DNAI4: variants seen among roughly 807,000 people sequenced by gnomAD.
DNAI4 encodes dynein axonemal intermediate chain 4.
Under a neutral mutation model 105.8 loss-of-function variants are expected in DNAI4, and 85 were observed. That is an observed-to-expected ratio of 0.80 (90% CI 0.67 to 0.96). The LOEUF is 0.96. DNAI4 is among the 40% of genes least tolerant of loss of function. The pLI is 0.00. For synonymous variants in DNAI4, 352 were observed against 331.5 expected, an observed-to-expected ratio of 1.06 and a Z score of -0.67; for missense variants, 1,014 against 1,005.6, an observed-to-expected ratio of 1.01 and a Z score of -0.11.
At chr1:66,835,441 T>C (rs1243048687) in intron 11 of DNAI4, among the ~76,000 whole-genome samples, 185 bp downstream of exon 11, 1 of 152,132 alleles carries the variant, frequency 6.6e-6, no homozygotes, top group Non-Finnish European at 1.5e-5. Context: ...AGAGAAGAAG[T>C]TGAAGGAGCT....
At chr1:66,902,704 T>G (rs1648923649) in intron 2 of DNAI4, among the ~76,000 whole-genome samples, 1 of 152,238 alleles carries the variant, frequency 6.6e-6, no homozygotes, top group African/African-American at 2.4e-5. Flanking sequence ...TGATCCATTC[T>G]GAATTTATTT....
At chr1:66,826,304 G>GTTTTTTTTTTTTTTTTTTTTTTTT (rs1645752317) in intron 15 of DNAI4, among the ~76,000 whole-genome samples, 1 of 150,784 alleles carries the variant, frequency 6.6e-6, no homozygotes, top group African/African-American at 2.5e-5. Flanking sequence ...ACTTTCTTTA[G>GTTTTTTTTTTTTTTTTTTTTTTTT]TCTTTTTTTT....
chr1:66,880,146 C>T (rs1647038212), intron 4 of DNAI4, among the ~76,000 whole-genome samples: 1 of 152,234 alleles, frequency 6.6e-6, no homozygotes, highest in Non-Finnish European at 1.5e-5. Context: ...GAGGCCTCCC[C>T]AGCCATGTGG....
chr1:66,862,146 C>G lies in DNAI4; in HGVS notation c.1096+1G>C. 1.3e-6 allele frequency: 2 copies of G among 1,554,670 alleles called. No homozygotes were observed. The highest frequency in any genetic ancestry group is 1.7e-6 in the Non-Finnish European group (2 of 1,158,650). ...AAAAACTAAAATAAATGAAATCTTA[C>G]TTTTTTCTGTAGTGCTCCCTGGCAA... On this transcript the variant is annotated splice_donor_variant, in intron 7 of 16. Coordinates refer to ENST00000371026, the MANE Select transcript of DNAI4 (RefSeq NM_024763.5). LOFTEE classifies it high-confidence loss of function.
At chr1:66,820,830 A>G (rs917313522) in intron 16 of DNAI4, among the ~76,000 whole-genome samples, 1 of 151,994 alleles carries the variant, frequency 6.6e-6, no homozygotes, top group African/African-American at 2.4e-5. Flanking sequence ...TACTTATTTA[A>G]CATTTGTAGT....
intron 15 of DNAI4, among the ~76,000 whole-genome samples, chr1:66,825,714 T>C (rs1051371944): frequency 6.6e-6 from 1 of 152,228 alleles, no homozygotes; most frequent in African/African-American, 2.4e-5. Context: ...AAGAAGCCAC[T>C]TTATACATTA....
At chr1:66,821,515 G>T (rs1461418980) in intron 16 of DNAI4, among the ~76,000 whole-genome samples, 1 of 152,138 alleles carries the variant, frequency 6.6e-6, no homozygotes, top group East Asian at 1.9e-4. Flanking sequence ...TGCCAGTACA[G>T]AGTAGTCTTA....
At chr1:66,895,353 C>T (rs1414761818) in intron 2 of DNAI4, among the ~76,000 whole-genome samples, 1 of 152,056 alleles carries the variant, frequency 6.6e-6, no homozygotes, top group African/African-American at 2.4e-5. Context: ...CTGTAGCCCA[C>T]GCCACATGGG....
intron 16 of DNAI4, among the ~76,000 whole-genome samples, chr1:66,819,596 T>A (rs146656821): frequency 4.6e-5 from 7 of 152,224 alleles, no homozygotes; most frequent in African/African-American, 9.6e-5. Flanking sequence ...AAGGGGCTCA[T>A]ACTAGTAAGA....
intron 8 of DNAI4, among the ~76,000 whole-genome samples, chr1:66,844,083 T>TAAAAAA (rs1557917425): frequency 4.6e-4 from 2 of 4,334 alleles, no homozygotes; most frequent in African/African-American, 7.1e-4. Context: ...AACTGGAGAT[T>TAAAAAA]CAAAAAAAAA....
Position 66,890,789 on chromosome 1 carries a change from G to T in DNAI4, c.643+365C>A. The T allele has an allele frequency of 3.4e-6, 1 of 292,218 alleles. No individual in the cohort carries two copies. The highest frequency in any genetic ancestry group is 6.5e-6 in the Non-Finnish European group (1 of 154,258). The allele number at this position is 292,218 out of a possible 1,614,324, so 18.1% of individuals were successfully genotyped here. ...AGAGGAAGAAGAGGAAGAGGAGGAA[G>T]AAGAAGTGAGGAAGAAGAGGAAAAG... On this transcript the variant is annotated intron_variant, in intron 4 of 16. Transcript: ENST00000371026. This position sits in a 1 kb window ranked among gnomAD's most constrained non-coding sequence, Gnocchi z 4.1.
chr1:66,913,212 A>T (rs1008428132), intron 1 of DNAI4, among the ~76,000 whole-genome samples: 2 of 152,130 alleles, frequency 1.3e-5, no homozygotes, highest in African/African-American at 4.8e-5. Flanking sequence ...TCAAGTTAAG[A>T]TTAACAACCA....
rs181809459 is a variant in DNAI4 at position 66,818,644 on chromosome 1, T to G, written c.2496+3717A>C. Among the ~76,000 whole-genome samples the G allele has an allele frequency of 3.3e-5, 5 of 152,190 alleles. No homozygotes were observed. The East Asian group carries it at 9.6e-4, about 29-fold the overall frequency. ...AGAAATAAGAAATAAATTGGCCAGGTGCGGTGGCTCACGCCTGTAATCCCA... is the reference window on the plus strand; with the variant it reads ...AGAAATAAGAAATAAATTGGCCAGGGGCGGTGGCTCACGCCTGTAATCCCA... On this transcript the variant is annotated intron_variant, in intron 16 of 16. Transcript: ENST00000371026.
chr1:66,908,826 A>C (rs1417275572), intron 1 of DNAI4, among the ~76,000 whole-genome samples: 2 of 152,156 alleles, frequency 1.3e-5, no homozygotes, highest in Non-Finnish European at 2.9e-5. Flanking sequence ...GCTATCTTAT[A>C]CCTTCTCTTT....
chr1:66,875,033 T>C lies in DNAI4; in HGVS notation c.644-96A>G. The C allele has an allele frequency of 9.4e-6, 11 of 1,166,736 alleles. No individual in the cohort carries two copies. In the South Asian group the frequency reaches 9.5e-5, roughly 10 times the overall value. The allele number at this position is 1,166,736 out of a possible 1,614,324, so 72.3% of individuals were successfully genotyped here. ...CCAATATACCATAATGGGTAATATA[T>C]TGCAGGTGGTTTATATAGTCAAGGA... On this transcript the variant is annotated intron_variant, in intron 4 of 16. Coordinates refer to ENST00000371026, the MANE Select transcript of DNAI4 (RefSeq NM_024763.5).
chr1:66,882,210 G>C (rs947359135), intron 4 of DNAI4, among the ~76,000 whole-genome samples: 6 of 152,076 alleles, frequency 3.9e-5, no homozygotes, highest in African/African-American at 7.2e-5. Context: ...ATGTACTTTG[G>C]ATAAAAGTCC....
intron 7 of DNAI4, chr1:66,860,768 A>G (rs1646608885): frequency 6.6e-6 from 1 of 152,138 alleles, no homozygotes. Context: ...GATCTAATAT[A>G]AAGTCCCAGT....
At chr1:66,851,948 A>G (rs1232629692) in intron 7 of DNAI4, among the ~76,000 whole-genome samples, 2 of 151,984 alleles carry the variant, frequency 1.3e-5, no homozygotes, top group African/African-American at 4.8e-5. Flanking sequence ...GAAGTTAGAA[A>G]CAAGTCAGTG....
At chr1:66,917,694 T>G (rs1650170434) in intron 1 of DNAI4, among the ~76,000 whole-genome samples, 1 of 152,240 alleles carries the variant, frequency 6.6e-6, no homozygotes, top group South Asian at 2.1e-4. Flanking sequence ...AGCATATTTG[T>G]TTTTCACTAC....
Sources: allele counts gnomAD v4.1 joint callset (sites outside exome capture counted in the v4.1 genomes callset), GRCh38; gene constraint gnomAD v4.1.1; non-coding constraint Gnocchi (gnomAD v3.1); transcripts MANE v1.5; gene names NCBI Gene and HGNC (gene_info 2026-07-23, HGNC 2026-07-21).